The following MTMR14 variants were observed in gnomAD, a reference collection of about 807,000 sequenced individuals.
MTMR14 encodes phosphatidylinositol-3,5-bisphosphate 3-phosphatase MTMR14.
A neutral mutation model predicts 86.3 loss-of-function variants in MTMR14; 48 were observed. That is an observed-to-expected ratio of 0.56 (90% CI 0.44 to 0.71). The LOEUF is 0.71. Ranked by LOEUF, MTMR14 falls within the 30% of genes least tolerant of loss-of-function variation. The pLI is 0.00. For synonymous variants in MTMR14, 366 were observed against 326.1 expected (o/e 1.12, Z -1.32); for missense variants, 780 against 834.6 (o/e 0.93, Z 0.81).
intron 10 of MTMR14, 77 bp from the exon 11 acceptor site, chr3:9,684,508 C>A: frequency 7.0e-7 from 1 of 1,436,784 alleles, no homozygotes; most frequent in African/African-American, 1.4e-5. Context: ...TCCACCAGGC[C>A]AAGCTGGTGG....
Position 9,689,006 on chromosome 3 carries a change from T to TC in MTMR14, c.1361dup (p.Gly455ArgfsTer9). On this transcript the variant is annotated frameshift_variant, in exon 16 of 19. Coordinates refer to ENST00000296003, the MANE Select transcript of MTMR14 (RefSeq NM_001077525.3). LOFTEE classifies it high-confidence loss of function. ...CGACTTCTCCCTGGTCATGGAGAGTTCCCCAGGAGCCACTGGGAGCTTCAC... is the reference window on the plus strand; with the variant it reads ...CGACTTCTCCCTGGTCATGGAGAGTTCCCCCAGGAGCCACTGGGAGCTTCAC... 1 of 1,613,808 alleles carries TC rather than the reference T, an allele frequency of 6.2e-7. No individual in the cohort carries two copies. The highest frequency in any genetic ancestry group is 8.5e-7 in the Non-Finnish European group (1 of 1,180,020).
Position 9,677,229 on chromosome 3 carries a change from G to A in MTMR14, c.752-88G>A. On this transcript the variant is annotated intron_variant, in intron 7 of 18. Transcript: ENST00000296003. The surrounding 1 kb of genome is among the most constrained non-coding windows in gnomAD (Gnocchi z 4.2). ...GTGAGTTGGCGGCCCCCTCTCCACA[G>A]CACTCAGGGACCTGGGTCTGGCCAG... The A allele has an allele frequency of 1.7e-6, 2 of 1,203,180 alleles. No individual in the cohort carries two copies. Among genetic ancestry groups the A allele is most frequent in the South Asian group, 2.5e-5 (2 of 80,360 alleles). 74.5% of individuals were successfully genotyped at this position (1,203,180 alleles called of 1,614,324 possible). A position where few individuals can be genotyped will look rare whatever the true frequency, so the allele number is the denominator to read the frequency against.
chr3:9,653,761 G>A lies in MTMR14; in HGVS notation c.300G>A (p.Glu100=), dbSNP rs946961875. 5.0e-6 allele frequency: 8 copies of A among 1,614,104 alleles called. No homozygotes were observed. The highest frequency in any genetic ancestry group is 5.9e-6 in the Non-Finnish European group (7 of 1,180,056). ...TGGAGTATGAGAGTTCTGAGAAGGA[G>A]AAAGACACGTGAGCATCATGTGACC... ...VFLEYESSEK[E]KDTFESTVQV... Residue 100 remains glutamate, a synonymous_variant, in exon 2 of 19, where the codon GAG becomes GAA. Transcript: ENST00000296003.
In MTMR14 at chr3:9,662,306, C is replaced by T; in HGVS notation, c.348C>T (p.Leu116=). 2 of 1,613,524 alleles carry T rather than the reference C, an allele frequency of 1.2e-6. No homozygotes were observed. The highest frequency in any genetic ancestry group is 1.7e-6 in the Non-Finnish European group (2 of 1,179,960). ...STVQVSKLQD[L]IHRSKMARCR... Reference sequence around the variant, plus strand: ...TACAGGTGAGCAAGTTGCAAGACCTCATCCACCGCAGCAAGATGGCCCGGT... The same window carrying T: ...TACAGGTGAGCAAGTTGCAAGACCTTATCCACCGCAGCAAGATGGCCCGGT... The change falls in exon 3 of 19, where the codon CTC becomes CTT. Residue 116 remains leucine, a synonymous_variant. Transcript: ENST00000296003.
intron 3 of MTMR14, among the ~76,000 whole-genome samples, chr3:9,665,309 ACCCCATAAGTAAATACATGTAC>A (rs1375926255): frequency 1.3e-5 from 2 of 151,388 alleles, no homozygotes; most frequent in African/African-American, 2.4e-5. Context: ...AGTCTCACGT[ACCCCATAAGTAAATACATGTAC>A]CCACAAAAGT....
intron 2 of MTMR14, among the ~76,000 whole-genome samples, chr3:9,656,838 T>G (rs1456073317): frequency 1.3e-5 from 2 of 152,216 alleles, no homozygotes; most frequent in Non-Finnish European, 2.9e-5. Context: ...CCTACCCTCT[T>G]TGGTGCTGGC....
chr3:9,683,469 C>A (rs371365213), intron 10 of MTMR14: 4 of 553,698 alleles, frequency 7.2e-6, no homozygotes, highest in East Asian at 6.4e-5. Flanking sequence ...AACTCCTTAC[C>A]ATCTATGCCG....
In MTMR14 at chr3:9,684,939, G is replaced by A; in HGVS notation, c.1102G>A (p.Val368Met). ...GCCCACTGAGATCCTCTACCTCACT[G>A]TGGCCTATGACTGGTTCCTCTTCGG... ...LKPTEILYLT[V>M]AYDWFLFGHM... The change falls in exon 12 of 19, where the codon GTG becomes ATG. Residue 368 changes from valine to methionine, a missense_variant. Transcript: ENST00000296003. 2 of 1,614,188 alleles carry A rather than the reference G, an allele frequency of 1.2e-6. No individual in the cohort carries two copies. The highest frequency in any genetic ancestry group is 2.2e-5 in the South Asian group (2 of 91,086).
chr3:9,697,432 C>T (rs903926624), intron 17 of MTMR14, among the ~76,000 whole-genome samples: 6 of 152,204 alleles, frequency 3.9e-5, no homozygotes, highest in African/African-American at 1.4e-4. Context: ...TGGCCCCAGG[C>T]TGTGGCTCCG....
chr3:9,676,395 G>A (rs2075577498), intron 7 of MTMR14, among the ~76,000 whole-genome samples: 1 of 152,258 alleles, frequency 6.6e-6, no homozygotes, highest in Non-Finnish European at 1.5e-5. Flanking sequence ...CATTCTCTCT[G>A]ACCAAGGCAG....
In MTMR14 at chr3:9,652,490, C is replaced by T. The variant is rs1053990196; in HGVS notation, c.160-1131C>T. On this transcript the variant is annotated intron_variant, in intron 1 of 18. Coordinates refer to ENST00000296003, the MANE Select transcript of MTMR14 (RefSeq NM_001077525.3). Reference sequence around the variant, plus strand: ...GGAAGAGGGCCAGTACACTGGCTCACGCGTGTAATCCTAGCACTTTGGGAG... The same window carrying T: ...GGAAGAGGGCCAGTACACTGGCTCATGCGTGTAATCCTAGCACTTTGGGAG... 3.3e-5 allele frequency among the ~76,000 whole-genome samples: 5 copies of T among 152,114 alleles called. No homozygotes were observed. In the East Asian group the frequency reaches 5.8e-4, roughly 18 times the overall value.
intron 17 of MTMR14, among the ~76,000 whole-genome samples, chr3:9,694,985 C>G (rs922992302): frequency 6.6e-6 from 1 of 152,184 alleles, no homozygotes; most frequent in African/African-American, 2.4e-5. Flanking sequence ...AAGCGTTGTT[C>G]AGCTCCGCCA....
rs376582954 is a variant in MTMR14 at position 9,690,048 on chromosome 3, G to A, written c.1518G>A (p.Gly506=). The change falls in exon 17 of 19, where the codon GGG becomes GGA. Residue 506 remains glycine (G), a synonymous_variant. Coordinates refer to ENST00000296003, the MANE Select transcript of MTMR14 (RefSeq NM_001077525.3). The part of the protein sequence containing the change: ...PSEDRLPSQQ[G]LAEARSSSSS... The stretch of plus-strand genomic sequence containing the variant: ...AGGACCGCTTGCCTTCCCAGCAGGG[G>A]CTGGCGGAAGCCAGGTCTTCCAGCT... The A allele has an allele frequency of 2.4e-5, 38 of 1,612,950 alleles. No homozygotes were observed. The highest frequency in any genetic ancestry group is 3.1e-5 in the Non-Finnish European group (36 of 1,179,998).
At chr3:9,699,317 T>G (rs2076382494) in intron 18 of MTMR14, 1 of 152,106 alleles carries the variant, frequency 6.6e-6, no homozygotes, top group Non-Finnish European at 1.5e-5. Context: ...AACAGGCAAC[T>G]CCAGCCCCAG....
At chr3:9,661,969 C>T (rs1360525674) in intron 2 of MTMR14, among the ~76,000 whole-genome samples, 1 of 151,814 alleles carries the variant, frequency 6.6e-6, no homozygotes. Context: ...CACCTGTAGT[C>T]ACAGCATACT....
chr3:9,650,826 C>T (rs143963509), intron 1 of MTMR14, among the ~76,000 whole-genome samples: 32 of 148,842 alleles, frequency 2.1e-4, no homozygotes, highest in Non-Finnish European at 4.1e-4. Flanking sequence ...CTCGCTTTGT[C>T]GCCTAGGCTG....
intron 3 of MTMR14, among the ~76,000 whole-genome samples, chr3:9,665,066 G>C (rs1343463621): frequency 2.0e-5 from 3 of 152,052 alleles, no homozygotes; most frequent in African/African-American, 7.2e-5. Context: ...GGCAGATCGT[G>C]AGGTCAGGAG....
chr3:9,675,775 TGCAGTGTTGATTTGA>T, intron 7 of MTMR14: 1 of 448,118 alleles, frequency 2.2e-6, no homozygotes, highest in South Asian at 1.6e-5. Flanking sequence ...GCCTGAGGCC[TGCAGTGTTGATTTGA>T]GCAGCTAGAG....
chr3:9,690,634 TGCCA>T (rs2076109720), intron 17 of MTMR14, among the ~76,000 whole-genome samples: 1 of 152,328 alleles, frequency 6.6e-6, no homozygotes, highest in Middle Eastern at 3.4e-3. Context: ...AGGATGGCCA[TGCCA>T]GGGCCGTGGC....
Sources: gnomAD v4.1 joint callset for allele counts (sites outside exome capture counted in the v4.1 genomes callset) on GRCh38, gnomAD v4.1.1 for gene constraint, Gnocchi (gnomAD v3.1) non-coding constraint, MANE v1.5 for transcripts, NCBI Gene and HGNC (gene_info 2026-07-23, HGNC 2026-07-21) for gene names.